GALNT13: variants seen among roughly 807,000 people sequenced by gnomAD.
GALNT13 encodes polypeptide N-acetylgalactosaminyltransferase 13.
A neutral mutation model predicts 64.2 loss-of-function variants in GALNT13; 28 were observed. The ratio of observed to expected loss-of-function variants is 0.44; its 90% CI spans 0.32 to 0.60. GALNT13 has a LOEUF of 0.60. Among genes scored for constraint, GALNT13 ranks in the 20% least tolerant of loss-of-function variants. The pLI is 0.05. For missense variants in GALNT13, 577 were observed against 669.8 expected (o/e 0.86, Z 1.53); for synonymous variants, 214 against 224.6 (o/e 0.95, Z 0.42).
At chr2:153,671,386 G>C in the GALNT13 span, among the ~76,000 whole-genome samples, 20 of 152,220 alleles carry the variant, frequency 1.3e-4, no homozygotes, top group Admixed American at 2.6e-4. Flanking sequence ...AAAAGAGTGG[G>C]GGCCAATATT....
At chr2:154,325,091 A>C (rs2105174541) in intron 9 of GALNT13, among the ~76,000 whole-genome samples, 1 of 152,036 alleles carries the variant, frequency 6.6e-6, no homozygotes, top group African/African-American at 2.4e-5. Flanking sequence ...CATGAGGCCA[A>C]ACCTTGGGGC....
the GALNT13 span, among the ~76,000 whole-genome samples, chr2:153,129,643 T>G: frequency 1.3e-5 from 2 of 152,108 alleles, no homozygotes; most frequent in Non-Finnish European, 2.9e-5. Context: ...CATGATGGCA[T>G]GCATCTGTAG....
the GALNT13 span, among the ~76,000 whole-genome samples, chr2:153,216,572 G>A: frequency 0.12 from 18,828 of 151,868 alleles, 1,506 homozygotes; most frequent in Non-Finnish European, 0.17. Flanking sequence ...AATGATGTTG[G>A]ACATATTTTC....
chr2:154,410,115 A>G (rs1180684747), intron 11 of GALNT13, among the ~76,000 whole-genome samples: 1 of 151,906 alleles, frequency 6.6e-6, no homozygotes, highest in Non-Finnish European at 1.5e-5. Flanking sequence ...AGCATGGGAA[A>G]TTGACCTTAT....
the GALNT13 span, among the ~76,000 whole-genome samples, chr2:153,294,774 A>G: frequency 1.4e-4 from 21 of 152,194 alleles, no homozygotes; most frequent in African/African-American, 5.1e-4. Flanking sequence ...TTTTCAATTT[A>G]TTGAAAACAT....
intron 9 of GALNT13, among the ~76,000 whole-genome samples, chr2:154,361,538 G>A (rs1045680432): frequency 1.3e-5 from 2 of 151,988 alleles, no homozygotes; most frequent in South Asian, 4.1e-4. Flanking sequence ...TCATTTTGCT[G>A]TAATACAGTG....
At chr2:153,901,380 G>A (rs1688226084) in intron 2 of GALNT13, among the ~76,000 whole-genome samples, 1 of 152,116 alleles carries the variant, frequency 6.6e-6, no homozygotes, top group Admixed American at 6.6e-5. Flanking sequence ...CAGTTTGATA[G>A]GAATAGTATT....
the GALNT13 span, among the ~76,000 whole-genome samples, chr2:153,080,196 T>C: frequency 1.3e-5 from 2 of 152,156 alleles, no homozygotes; most frequent in Admixed American, 6.5e-5. Flanking sequence ...TTATATTCAT[T>C]TTTTTCTAAA....
At chr2:153,122,714 C>A in the GALNT13 span, among the ~76,000 whole-genome samples, 1 of 152,112 alleles carries the variant, frequency 6.6e-6, no homozygotes, top group Non-Finnish European at 1.5e-5. Context: ...GATACCTTAT[C>A]CCTTCCAAGA....
intron 3 of GALNT13, among the ~76,000 whole-genome samples, chr2:154,050,840 G>A (rs930219323): frequency 1.3e-5 from 2 of 151,978 alleles, no homozygotes; most frequent in Admixed American, 1.3e-4. Context: ...TACTGTATGT[G>A]GTCTTATACT....
At chr2:153,955,969 C>T (rs1692537096) in intron 3 of GALNT13, among the ~76,000 whole-genome samples, 2 of 152,206 alleles carry the variant, frequency 1.3e-5, no homozygotes, top group South Asian at 2.1e-4. Context: ...TGGCCATTGA[C>T]ACTGCCTTCA....
At chr2:153,362,844 G>C in the GALNT13 span, among the ~76,000 whole-genome samples, 2 of 151,966 alleles carry the variant, frequency 1.3e-5, no homozygotes, top group African/African-American at 4.8e-5. Flanking sequence ...AAATTAACAA[G>C]GATATTCAGG....
At chr2:153,195,414 C>T in the GALNT13 span, among the ~76,000 whole-genome samples, 1 of 152,330 alleles carries the variant, frequency 6.6e-6, no homozygotes, top group East Asian at 1.9e-4. Flanking sequence ...GGTCCAGCCA[C>T]TGTGCAGTCA....
the GALNT13 span, among the ~76,000 whole-genome samples, chr2:153,117,486 G>A: frequency 6.6e-6 from 1 of 152,262 alleles, no homozygotes; most frequent in South Asian, 2.1e-4. Context: ...ATGGTTATAT[G>A]GTTATGTGGT....
chr2:154,033,338 T>G (rs569712735), intron 3 of GALNT13, among the ~76,000 whole-genome samples: 1 of 151,938 alleles, frequency 6.6e-6, no homozygotes, highest in Non-Finnish European at 1.5e-5. Context: ...GAATATAAAT[T>G]TTTGCTCTTG....
the GALNT13 span, among the ~76,000 whole-genome samples, chr2:153,120,199 G>A: frequency 6.6e-6 from 1 of 152,090 alleles, no homozygotes; most frequent in African/African-American, 2.4e-5. Flanking sequence ...CCAGTTTACT[G>A]TTTCAATTCT....
At chr2:153,870,476 T>C (rs1165602133), upstream of GALNT13, among the ~76,000 whole-genome samples, 2 of 151,900 alleles carry the variant, frequency 1.3e-5, no homozygotes, top group Non-Finnish European at 2.9e-5. Flanking sequence ...GACCTGATGT[T>C]AGGACTGGAA....
the GALNT13 span, among the ~76,000 whole-genome samples, chr2:153,707,725 T>C: frequency 6.6e-6 from 1 of 152,146 alleles, no homozygotes; most frequent in South Asian, 2.1e-4. Flanking sequence ...TCATGTTCTG[T>C]GGGGCCAATT....
chr2:153,515,675 C>CT, the GALNT13 span, among the ~76,000 whole-genome samples: 1 of 152,116 alleles, frequency 6.6e-6, no homozygotes, highest in South Asian at 2.1e-4. Flanking sequence ...TATGGGACCA[C>CT]TTAGTGGTGG....
Sources: allele counts gnomAD v4.1 joint callset (sites outside exome capture counted in the v4.1 genomes callset), GRCh38; gene constraint gnomAD v4.1.1; transcripts MANE v1.5; gene names NCBI Gene and HGNC (gene_info 2026-07-23, HGNC 2026-07-21).